The following SPECC1L variants were observed in gnomAD, a reference collection of about 807,000 sequenced individuals.
SPECC1L encodes the protein sperm antigen with calponin homology and coiled-coil domains 1 like.
In SPECC1L, 40 loss-of-function variants were observed where a neutral mutation model predicts 116.8. The ratio of observed to expected loss-of-function variants is 0.34; its 90% CI spans 0.27 to 0.45. SPECC1L has a LOEUF of 0.45. SPECC1L is among the 20% of genes least tolerant of loss of function. SPECC1L has a pLI of 1.00. For synonymous variants in SPECC1L, 504 were observed against 500.6 expected (o/e 1.01, Z -0.09); for missense variants, 1,110 against 1,373.6 (o/e 0.81, Z 3.03).
At chr22:24,325,373 AT>A (rs1324133278) in intron 6 of SPECC1L, among the ~76,000 whole-genome samples, 3 of 152,178 alleles carry the variant, frequency 2.0e-5, no homozygotes, top group Non-Finnish European at 4.4e-5. Context: ...TTAAGCACAA[AT>A]TCCTTTGTTT....
chr22:24,346,817 G>A (rs547869294), intron 10 of SPECC1L, among the ~76,000 whole-genome samples: 4 of 152,222 alleles, frequency 2.6e-5, no homozygotes, highest in East Asian at 1.9e-4. Context: ...AGATATTACC[G>A]TTGGGGGAAA....
chr22:24,300,933 G>A lies in SPECC1L; in HGVS notation c.-37-1262G>A, dbSNP rs1346504961. Among the ~76,000 whole-genome samples, 13 of 152,172 alleles carry A rather than the reference G, an allele frequency of 8.5e-5. No individual in the cohort carries two copies. In the South Asian group the frequency reaches 2.5e-3, roughly 29 times the overall value. On this transcript the variant is annotated intron_variant, in intron 2 of 16. Transcript: ENST00000314328. ...AGCTGTATGCAGAAAACTGAAACTGGACCCCTTCCTTACACCTTATAAAAA... is the reference window on the plus strand; with the variant it reads ...AGCTGTATGCAGAAAACTGAAACTGAACCCCTTCCTTACACCTTATAAAAA...
At chr22:24,382,275 A>G (rs1471770066) in intron 14 of SPECC1L, among the ~76,000 whole-genome samples, 5 of 152,088 alleles carry the variant, frequency 3.3e-5, no homozygotes, top group South Asian at 2.1e-4. Context: ...AACTCTTCAC[A>G]TGGGGTAGAG....
intron 1 of SPECC1L, among the ~76,000 whole-genome samples, chr22:24,272,564 T>A (rs1357753103): frequency 6.6e-6 from 1 of 150,626 alleles, no homozygotes; most frequent in Non-Finnish European, 1.5e-5. Context: ...TCCCAGCGGC[T>A]CGGGAGGCCG....
rs150999545 is a variant in SPECC1L at position 24,384,325 on chromosome 22, A to G, written c.3087+15005A>G. ...GGTAACAGAAAGAGGATTTGTCACC[A>G]GCAGGCCCATTCTGAAAGAAAAAGG... On this transcript the variant is annotated intron_variant, in intron 14 of 16. Transcript: ENST00000314328. Among the ~76,000 whole-genome samples the G allele has an allele frequency of 9.6e-3, 1,468 of 152,352 alleles. 17 individuals carry two copies. The highest frequency in any genetic ancestry group is 0.017 in the Non-Finnish European group (1,126 of 68,034).
chr22:24,364,850 G>A (rs1315290107), intron 12 of SPECC1L, among the ~76,000 whole-genome samples: 2 of 152,082 alleles, frequency 1.3e-5, no homozygotes, highest in African/African-American at 4.8e-5. Context: ...TTGGTTTTTA[G>A]TTATATTTGT....
chr22:24,332,133 T>C (rs879417017), intron 8 of SPECC1L, among the ~76,000 whole-genome samples: 1 of 152,230 alleles, frequency 6.6e-6, no homozygotes, highest in Non-Finnish European at 1.5e-5. Context: ...GTGGGTATTT[T>C]GTGAAAACAG....
At chr22:24,301,032 A>G (rs776289395) in intron 2 of SPECC1L, among the ~76,000 whole-genome samples, 8 of 152,362 alleles carry the variant, frequency 5.3e-5, no homozygotes, top group African/African-American at 1.2e-4. Context: ...AACCTAGGCA[A>G]TACCATTCAG....
At chr22:24,327,718 A>C (rs1200289709) in intron 6 of SPECC1L, among the ~76,000 whole-genome samples, 1 of 152,142 alleles carries the variant, frequency 6.6e-6, no homozygotes, top group Non-Finnish European at 1.5e-5. Flanking sequence ...ATTAGCTGGC[A>C]CATTTATAAA....
At chr22:24,308,000 C>G (rs920415296) in intron 3 of SPECC1L, among the ~76,000 whole-genome samples, 1 of 152,002 alleles carries the variant, frequency 6.6e-6, no homozygotes, top group African/African-American at 2.4e-5. Flanking sequence ...TATCAAGATT[C>G]CTCATATGTT....
intron 11 of SPECC1L, among the ~76,000 whole-genome samples, chr22:24,360,408 G>T (rs187668280): frequency 1.2e-4 from 19 of 152,304 alleles, no homozygotes; most frequent in Non-Finnish European, 2.4e-4. Flanking sequence ...TGGGTTCTCA[G>T]TGCGTTTTTG....
At chr22:24,355,612 C>A (rs1211181816) in intron 11 of SPECC1L, among the ~76,000 whole-genome samples, 2 of 152,088 alleles carry the variant, frequency 1.3e-5, no homozygotes, top group African/African-American at 4.8e-5. Flanking sequence ...CTTATAACTT[C>A]TTTCTTTTGG....
At position 24,369,287 on chromosome 22, in the gene SPECC1L, G is replaced by T. The variant is rs866220474; in HGVS notation, c.3054G>T (p.Leu1018=). The change falls in exon 14 of 17, where the codon CTG becomes CTT. Residue 1018 remains leucine (L), a synonymous_variant. Coordinates refer to ENST00000314328, the MANE Select transcript of SPECC1L (RefSeq NM_015330.6). ...EYGGSKRNAL[L]KWCQKKTEGY... is the part of the protein sequence containing the mutation. ...GAGGATCAAAGAGGAACGCCTTGCT[G>T]AAGTGGTGTCAGAAGAAAACAGAAG... 1.1e-5 allele frequency: 17 copies of T among 1,614,136 alleles called. No individual in the cohort carries two copies. In the Middle Eastern group the frequency reaches 2.6e-3, roughly 251 times the overall value.
chr22:24,307,176 G>A (rs2049517013), intron 3 of SPECC1L, among the ~76,000 whole-genome samples: 1 of 152,156 alleles, frequency 6.6e-6, no homozygotes, highest in Non-Finnish European at 1.5e-5. Context: ...ACCCGTAGGT[G>A]GAATTGCTAC....
intron 12 of SPECC1L, among the ~76,000 whole-genome samples, chr22:24,364,622 A>G (rs1222472404): frequency 7.0e-6 from 1 of 142,798 alleles, no homozygotes; most frequent in Non-Finnish European, 1.5e-5. Flanking sequence ...GAGATGCGCC[A>G]CTGCACTCCA....
chr22:24,354,305 T>A (rs5760358), intron 11 of SPECC1L, among the ~76,000 whole-genome samples: 25,703 of 152,202 alleles, frequency 0.17, 2,681 homozygotes, highest in East Asian at 0.23. Context: ...CAGCATTTAT[T>A]TATGCATTTT....
intron 2 of SPECC1L, among the ~76,000 whole-genome samples, chr22:24,288,052 A>G (rs1311961383): frequency 6.6e-6 from 1 of 152,106 alleles, no homozygotes; most frequent in African/African-American, 2.4e-5. Context: ...GTGGAAATCC[A>G]AGGGCCCTGT....
At chr22:24,333,667 GCCAGTATAAATTAATATTATA>G (rs1000572503) in intron 8 of SPECC1L, among the ~76,000 whole-genome samples, 7 of 151,532 alleles carry the variant, frequency 4.6e-5, no homozygotes, top group African/African-American at 1.7e-4. Flanking sequence ...ATTAGCTGGA[GCCAGTATAAATTAATATTATA>G]CCAGTATAAA....
At chr22:24,359,056 C>G (rs1011629673) in intron 11 of SPECC1L, among the ~76,000 whole-genome samples, 1 of 152,110 alleles carries the variant, frequency 6.6e-6, no homozygotes, top group Non-Finnish European at 1.5e-5. Context: ...TCTTTACCGG[C>G]GAGCTCCTTT....
Sources: gnomAD v4.1 joint callset for allele counts (sites outside exome capture counted in the v4.1 genomes callset) on GRCh38, gnomAD v4.1.1 for gene constraint, MANE v1.5 for transcripts, NCBI Gene and HGNC (gene_info 2026-07-23, HGNC 2026-07-21) for gene names.